VCL: variants seen among roughly 807,000 people sequenced by gnomAD.
VCL encodes vinculin.
In VCL, 47 loss-of-function variants were observed where a neutral mutation model predicts 125.7. The observed-to-expected ratio is 0.37, with a 90% confidence interval of 0.30 to 0.48. The LOEUF is 0.48. VCL is among the 20% of genes least tolerant of loss of function. The probability of loss-of-function intolerance (pLI) is 0.99; values close to 1 mark genes in which losing one functional copy is unlikely to be tolerated. For missense variants in VCL, 1,069 were observed against 1,455.5 expected, an observed-to-expected ratio of 0.73 and a Z score of 4.32; for synonymous variants, 458 against 514.6, an observed-to-expected ratio of 0.89 and a Z score of 1.49.
intron 2 of VCL, among the ~76,000 whole-genome samples, chr10:74,044,355 A>G (rs1841156277): frequency 6.6e-6 from 1 of 152,212 alleles, no homozygotes; most frequent in African/African-American, 2.4e-5. Context: ...GTAGGACAAA[A>G]AAAATAGAAC....
chr10:74,038,169 G>A (rs1841022098), intron 1 of VCL, among the ~76,000 whole-genome samples: 1 of 151,928 alleles, frequency 6.6e-6, no homozygotes, highest in Non-Finnish European at 1.5e-5. Context: ...GCTAATTTTT[G>A]TATTTTTAGT....
At chr10:74,019,779 T>C (rs1010391678) in intron 1 of VCL, among the ~76,000 whole-genome samples, 22 of 152,166 alleles carry the variant, frequency 1.4e-4, no homozygotes, top group Non-Finnish European at 1.2e-4. Flanking sequence ...AAATAACTAA[T>C]TGGCCCGGTG....
At chr10:74,078,495 A>C (rs1216662225) in intron 6 of VCL, among the ~76,000 whole-genome samples, 1 of 152,202 alleles carries the variant, frequency 6.6e-6, no homozygotes, top group Non-Finnish European at 1.5e-5. Context: ...AATAGAATGA[A>C]AGATCTCTAA....
chr10:74,120,974 T>C (rs1198399922), downstream of VCL: 1 of 152,062 alleles, frequency 6.6e-6, no homozygotes, highest in Non-Finnish European at 1.5e-5. Context: ...GTTTTTAGAG[T>C]AGAGTTGGGA....
chr10:74,054,920 CA>C (rs961197985), intron 2 of VCL, among the ~76,000 whole-genome samples: 2 of 146,056 alleles, frequency 1.4e-5, no homozygotes, highest in African/African-American at 5.0e-5. Context: ...GACTATGTCT[CA>C]AAAAAAAACA....
intron 2 of VCL, among the ~76,000 whole-genome samples, chr10:74,061,698 T>C (rs1262723036): frequency 6.6e-6 from 1 of 152,238 alleles, no homozygotes; most frequent in Non-Finnish European, 1.5e-5. Context: ...ACTGATGCCA[T>C]TTGTTTTTCA....
rs1026016895 is a variant in VCL at position 74,002,522 on chromosome 10, C to T, written c.168+4147C>T. Among the ~76,000 whole-genome samples, 7 of 152,192 alleles carry T rather than the reference C, an allele frequency of 4.6e-5. No individual in the cohort carries two copies. The South Asian group carries it at 1.5e-3, about 32-fold the overall frequency. On this transcript the variant is annotated intron_variant, in intron 1 of 21. Transcript: ENST00000211998. ...GATTGGAGAATCAGGGAAGGCTTCA[C>T]AGAGGATATAACATTGAGTTGGGTC...
Position 74,082,351 on chromosome 10 carries a change from C to G in VCL, c.784-103C>G. ...TTAAGGCCTTCGTAGGACTGACTAC[C>G]TTAGCTATGTATGTTAATGCTGTAA... On this transcript the variant is annotated intron_variant, in intron 6 of 21. Coordinates refer to ENST00000211998, the MANE Select transcript of VCL (RefSeq NM_014000.3). 4.0e-6 allele frequency: 5 copies of G among 1,248,428 alleles called. No individual in the cohort carries two copies. The Admixed American group carries it at 9.4e-5, about 24-fold the overall frequency. 77.3% of individuals were successfully genotyped at this position (1,248,428 alleles called of 1,614,324 possible). A position where few individuals can be genotyped will look rare whatever the true frequency, so the allele number is the denominator to read the frequency against.
At chr10:74,056,482 T>C (rs1045107943) in intron 2 of VCL, among the ~76,000 whole-genome samples, 7 of 152,136 alleles carry the variant, frequency 4.6e-5, no homozygotes, top group African/African-American at 1.4e-4. Flanking sequence ...TTGCATTATG[T>C]TGTACTTTAA....
intron 17 of VCL, among the ~76,000 whole-genome samples, chr10:74,108,291 C>A (rs745450779): frequency 6.6e-6 from 1 of 152,140 alleles, no homozygotes; most frequent in African/African-American, 2.4e-5. Context: ...GGTCTAGCTA[C>A]CCCTCAGTGA....
Position 74,071,199 on chromosome 10 carries a change from C to T in VCL, c.499+116C>T. ...GATAGGTGAAGATGCATTGGGCTTT[C>T]AGGTGTCTGCTCTGTTGATGGAGAT... On this transcript the variant is annotated intron_variant, in intron 4 of 21. Coordinates refer to ENST00000211998, the MANE Select transcript of VCL (RefSeq NM_014000.3). This position sits in a 1 kb window ranked among gnomAD's most constrained non-coding sequence, Gnocchi z 4.1. The T allele has an allele frequency of 1.1e-6, 1 of 885,374 alleles. No homozygotes were observed. The highest frequency in any genetic ancestry group is 1.9e-6 in the Non-Finnish European group (1 of 537,384). The allele number at this position is 885,374 out of a possible 1,614,324, so 54.8% of individuals were successfully genotyped here. A position where few individuals can be genotyped will look rare whatever the true frequency, so the allele number is the denominator to read the frequency against.
chr10:74,031,294 G>A (rs1840869455), intron 1 of VCL, among the ~76,000 whole-genome samples: 1 of 151,952 alleles, frequency 6.6e-6, no homozygotes, highest in Non-Finnish European at 1.5e-5. Flanking sequence ...GTAAAGGTTA[G>A]TCTCTGTATC....
At chr10:74,018,846 T>A (rs553862851) in intron 1 of VCL, among the ~76,000 whole-genome samples, 1 of 152,292 alleles carries the variant, frequency 6.6e-6, no homozygotes, top group African/African-American at 2.4e-5. Flanking sequence ...AGAAACCCAA[T>A]GTCTTGGATA....
chr10:74,010,701 A>T (rs1326823330), intron 1 of VCL, among the ~76,000 whole-genome samples: 1 of 152,024 alleles, frequency 6.6e-6, no homozygotes, highest in Non-Finnish European at 1.5e-5. Context: ...TTTCCTGCTT[A>T]TGAATTTTCA....
At chr10:73,998,414 G>A in intron 1 of VCL, 39 bp downstream of exon 1, 2 of 1,381,594 alleles carry the variant, frequency 1.4e-6, no homozygotes, top group East Asian at 3.0e-5. Context: ...GGGCGCGGGA[G>A]GTATCCCCGG....
chr10:74,092,811 T>C (rs1006237167), intron 10 of VCL, among the ~76,000 whole-genome samples: 3 of 152,290 alleles, frequency 2.0e-5, no homozygotes, highest in Non-Finnish European at 2.9e-5. Flanking sequence ...TCGCTTTTGA[T>C]GGTGGGTTTA....
intron 1 of VCL, among the ~76,000 whole-genome samples, chr10:74,006,580 T>C (rs144496299): frequency 9.8e-5 from 15 of 152,346 alleles, no homozygotes; most frequent in African/African-American, 2.9e-4. Flanking sequence ...ATCTCTAATC[T>C]GAAAATCTGA....
intron 1 of VCL, among the ~76,000 whole-genome samples, chr10:74,013,423 G>A (rs974225793): frequency 6.6e-5 from 10 of 151,960 alleles, no homozygotes; most frequent in African/African-American, 1.7e-4. Flanking sequence ...AATAAACATG[G>A]ATGTAGAATT....
intron 1 of VCL, among the ~76,000 whole-genome samples, chr10:74,028,604 C>T (rs897406069): frequency 2.6e-5 from 4 of 152,002 alleles, no homozygotes; most frequent in Non-Finnish European, 4.4e-5. Flanking sequence ...ACCACGTTGG[C>T]CAGGCTGGTC....
Sources: allele counts gnomAD v4.1 joint callset (sites outside exome capture counted in the v4.1 genomes callset), GRCh38; gene constraint gnomAD v4.1.1; non-coding constraint Gnocchi (gnomAD v3.1); transcripts MANE v1.5; gene names NCBI Gene and HGNC (gene_info 2026-07-23, HGNC 2026-07-21).